Variants in TENM4 observed in about 807,000 individuals in gnomAD.
The protein encoded by TENM4 is teneurin-4.
In TENM4, 82 loss-of-function variants were observed where a neutral mutation model predicts 243.3. The observed-to-expected ratio is 0.34, with a 90% CI of 0.28 to 0.40. The LOEUF (loss-of-function observed/expected upper bound fraction) is 0.40. Ranked by LOEUF, TENM4 falls within the 10% of genes least tolerant of loss-of-function variation. The pLI, the probability that TENM4 is intolerant of heterozygous loss-of-function variation, is 1.00. For synonymous variants in TENM4, 1,412 were observed against 1,456.3 expected, an observed-to-expected ratio of 0.97 and a Z score of 0.69; for missense variants, 3,138 against 3,673.3, an observed-to-expected ratio of 0.85 and a Z score of 3.77.
At chr11:79,114,717 T>C (rs1489298190) in intron 4 of TENM4, among the ~76,000 whole-genome samples, 1 of 152,242 alleles carries the variant, frequency 6.6e-6, no homozygotes, top group Non-Finnish European at 1.5e-5. Context: ...TTTATGTAAC[T>C]GATCCAGTTC....
chr11:79,071,781 T>A (rs1021169717), intron 4 of TENM4, among the ~76,000 whole-genome samples: 16 of 152,226 alleles, frequency 1.1e-4, no homozygotes, highest in Admixed American at 2.6e-4. Context: ...CATCCCCATA[T>A]TATAGATGAA....
intron 2 of TENM4, among the ~76,000 whole-genome samples, chr11:79,223,260 CTG>C (rs1864199359): frequency 1.3e-5 from 2 of 152,166 alleles, no homozygotes; most frequent in Non-Finnish European, 2.9e-5. Context: ...GGGGAGAAAA[CTG>C]TTCTCAAATA....
At chr11:79,342,897 T>G (rs748047850) in intron 1 of TENM4, among the ~76,000 whole-genome samples, 11 of 152,360 alleles carry the variant, frequency 7.2e-5, no homozygotes, top group Admixed American at 3.9e-4. Context: ...TGCATGAATG[T>G]GATACTTCAC....
chr11:78,814,884 T>TA (rs1857571729), intron 12 of TENM4, among the ~76,000 whole-genome samples: 1 of 152,164 alleles, frequency 6.6e-6, no homozygotes, highest in South Asian at 2.1e-4. Flanking sequence ...TCCATGTAGG[T>TA]CCCCACCGTC....
At chr11:79,183,930 G>T (rs1276509843) in intron 3 of TENM4, among the ~76,000 whole-genome samples, 2 of 152,154 alleles carry the variant, frequency 1.3e-5, no homozygotes, top group Non-Finnish European at 2.9e-5. Context: ...TGTTGCTGCT[G>T]TGAAAAAATG....
At chr11:78,975,377 G>T (rs765373095) in intron 6 of TENM4, among the ~76,000 whole-genome samples, 2 of 152,036 alleles carry the variant, frequency 1.3e-5, no homozygotes, top group Non-Finnish European at 2.9e-5. Context: ...GAGAGGAAAC[G>T]CACAAAGCAA....
At chr11:78,933,198 G>A (rs1352069534) in intron 6 of TENM4, among the ~76,000 whole-genome samples, 1 of 152,122 alleles carries the variant, frequency 6.6e-6, no homozygotes, top group Non-Finnish European at 1.5e-5. Context: ...CCTGGGACAA[G>A]TGAGAATCGG....
intron 1 of TENM4, among the ~76,000 whole-genome samples, chr11:79,414,732 G>T (rs910202097): frequency 3.3e-5 from 5 of 152,060 alleles, no homozygotes; most frequent in Non-Finnish European, 7.3e-5. Flanking sequence ...TTATATAAAT[G>T]GATCTGAAAC....
At chr11:78,949,383 T>C (rs1857069465) in intron 6 of TENM4, among the ~76,000 whole-genome samples, 1 of 152,202 alleles carries the variant, frequency 6.6e-6, no homozygotes, top group East Asian at 1.9e-4. Context: ...GTGTAATGAA[T>C]AAATGAATAC....
intron 4 of TENM4, among the ~76,000 whole-genome samples, chr11:79,144,292 C>G (rs932175131): frequency 6.6e-6 from 1 of 151,860 alleles, no homozygotes; most frequent in Non-Finnish European, 1.5e-5. Flanking sequence ...ATCCAAAAAG[C>G]AGGCAATAAT....
chr11:78,972,260 T>G (rs1256382916), intron 6 of TENM4, among the ~76,000 whole-genome samples: 1 of 152,150 alleles, frequency 6.6e-6, no homozygotes, highest in Non-Finnish European at 1.5e-5. Context: ...TCCAGCCTAT[T>G]AAATCTTGTG....
intron 26 of TENM4, among the ~76,000 whole-genome samples, chr11:78,712,125 T>C (rs1859412515): frequency 6.6e-6 from 1 of 152,230 alleles, no homozygotes; most frequent in Non-Finnish European, 1.5e-5. Context: ...GACATCCATT[T>C]GCTGGAAAAC....
At chr11:79,344,484 T>G (rs1042806383) in intron 1 of TENM4, among the ~76,000 whole-genome samples, 1 of 152,092 alleles carries the variant, frequency 6.6e-6, no homozygotes, top group Admixed American at 6.5e-5. Context: ...GCCAAGCTGG[T>G]TTGGAGCTAT....
At chr11:79,218,693 T>C (rs911942158) in intron 2 of TENM4, among the ~76,000 whole-genome samples, 2 of 152,210 alleles carry the variant, frequency 1.3e-5, no homozygotes, top group African/African-American at 4.8e-5. Flanking sequence ...CTTCAATCTT[T>C]CAATCTGTTT....
intron 1 of TENM4, among the ~76,000 whole-genome samples, chr11:79,356,223 A>T (rs1857494442): frequency 6.6e-6 from 1 of 152,186 alleles, no homozygotes; most frequent in African/African-American, 2.4e-5. Context: ...CTTCTGCAAG[A>T]GTGTGGGGTA....
chr11:79,266,802 C>T (rs1034863373), intron 2 of TENM4, among the ~76,000 whole-genome samples: 1 of 152,024 alleles, frequency 6.6e-6, no homozygotes, highest in Non-Finnish European at 1.5e-5. Context: ...GAAGAGTAAC[C>T]ATAAAAAACA....
chr11:78,906,367 T>C (rs559956332), intron 6 of TENM4, among the ~76,000 whole-genome samples: 1 of 152,292 alleles, frequency 6.6e-6, no homozygotes, highest in East Asian at 1.9e-4. Context: ...GGAATGTCTG[T>C]CCATGGCTAA....
At chr11:78,665,672 C>T (rs1406598597) in intron 32 of TENM4, among the ~76,000 whole-genome samples, 1 of 152,198 alleles carries the variant, frequency 6.6e-6, no homozygotes. Flanking sequence ...CCAGCCTTGC[C>T]ACTTCTTAGT....
At chr11:78,941,500 G>T (rs1294559249) in intron 6 of TENM4, among the ~76,000 whole-genome samples, 1 of 152,100 alleles carries the variant, frequency 6.6e-6, no homozygotes, top group Non-Finnish European at 1.5e-5. Flanking sequence ...AGGCTGTTCT[G>T]TTCAGGCCTC....
Sources: allele counts gnomAD v4.1 joint callset (sites outside exome capture counted in the v4.1 genomes callset), GRCh38; gene constraint gnomAD v4.1.1; transcripts MANE v1.5; gene names NCBI Gene and HGNC (gene_info 2026-07-23, HGNC 2026-07-21).